The following DYNC1I2 variants were observed in gnomAD, a reference collection of about 807,000 sequenced individuals.
DYNC1I2 encodes the protein cytoplasmic dynein 1 intermediate chain 2.
DYNC1I2 carries 53 observed loss-of-function variants against 88.6 expected under a neutral mutation model. The ratio of observed to expected loss-of-function variants is 0.60; its 90% CI spans 0.48 to 0.75. DYNC1I2 has a LOEUF of 0.75. Ranked by LOEUF, DYNC1I2 falls within the 30% of genes least tolerant of loss-of-function variation. The pLI, the probability that DYNC1I2 is intolerant of heterozygous loss-of-function variation, is 0.00. For missense variants in DYNC1I2, 458 were observed against 766.6 expected, an observed-to-expected ratio of 0.60 and a Z score of 4.75; for synonymous variants, 198 against 254.6, an observed-to-expected ratio of 0.78 and a Z score of 2.12.
At chr2:171,728,034 G>T (rs967591530) in intron 12 of DYNC1I2, 67 bp downstream of exon 12, 3 of 1,506,290 alleles carry the variant, frequency 2.0e-6, no homozygotes, top group Non-Finnish European at 2.7e-6. Flanking sequence ...ATACTTAGTA[G>T]TGGCCATCAG....
chr2:171,707,019 C>G, intron 4 of DYNC1I2: 2 of 543,892 alleles, frequency 3.7e-6, no homozygotes, highest in South Asian at 4.6e-5. Context: ...AAGATGCATC[C>G]TTCCATAATC....
chr2:171,703,222 CTAAATCG>C (rs1471187595), intron 3 of DYNC1I2, among the ~76,000 whole-genome samples: 3 of 152,192 alleles, frequency 2.0e-5, no homozygotes, highest in Non-Finnish European at 2.9e-5. Flanking sequence ...AGGACAACAA[CTAAATCG>C]TATTGTTTAA....
intron 7 of DYNC1I2, among the ~76,000 whole-genome samples, chr2:171,715,744 G>A (rs1687444335): frequency 6.6e-6 from 1 of 152,024 alleles, no homozygotes; most frequent in Admixed American, 6.5e-5. Flanking sequence ...GCTTTTAGAA[G>A]CCAAAAAGCT....
At chr2:171,719,327 A>T (rs10497375) in intron 7 of DYNC1I2, among the ~76,000 whole-genome samples, 1 of 152,158 alleles carries the variant, frequency 6.6e-6, no homozygotes, top group South Asian at 2.1e-4. Flanking sequence ...GAGCTCTTAC[A>T]TTAAGTTTCT....
rs1433008961 is a variant in DYNC1I2, at chr2:171,726,169, T to G, written c.771-25T>G. The G allele has an allele frequency of 6.9e-6, 11 of 1,593,366 alleles. No homozygotes were observed. In the African/African-American group the frequency reaches 1.1e-4, roughly 16 times the overall value. On this transcript the variant is annotated intron_variant, in intron 9 of 17. Coordinates refer to ENST00000397119, the MANE Select transcript of DYNC1I2 (RefSeq NM_001378.3). ...GATAAAAGTTATAACACCATCTTTT[T>G]GGGGGGTTTGGTCTTTTTTTGTAGA...
chr2:171,692,362 T>C (rs1685459012), intron 2 of DYNC1I2, among the ~76,000 whole-genome samples: 1 of 152,196 alleles, frequency 6.6e-6, no homozygotes, highest in Admixed American at 6.5e-5. Flanking sequence ...ACTTAAAATT[T>C]GTTACCTCTT....
chr2:171,724,494 A>C (rs1428701402), intron 7 of DYNC1I2, among the ~76,000 whole-genome samples: 2 of 152,222 alleles, frequency 1.3e-5, no homozygotes, highest in Non-Finnish European at 2.9e-5. Context: ...ACACAATCCC[A>C]GCAGTGCCAT....
chr2:171,741,903 G>T (rs1366519156), intron 15 of DYNC1I2, among the ~76,000 whole-genome samples: 1 of 151,894 alleles, frequency 6.6e-6, no homozygotes, highest in Non-Finnish European at 1.5e-5. Flanking sequence ...CCAACATGGT[G>T]AAACCCCTTC....
At chr2:171,705,458 A>G (rs987082789) in intron 3 of DYNC1I2, among the ~76,000 whole-genome samples, 11 of 152,232 alleles carry the variant, frequency 7.2e-5, no homozygotes, top group African/African-American at 2.6e-4. Context: ...TTTTCTGAGT[A>G]TGAAATTAGG....
At chr2:171,695,475 A>T (rs1431480246) in intron 3 of DYNC1I2, among the ~76,000 whole-genome samples, 2 of 152,088 alleles carry the variant, frequency 1.3e-5, no homozygotes, top group Non-Finnish European at 2.9e-5. Flanking sequence ...GTGTATATAT[A>T]CTTTATATAT....
intron 15 of DYNC1I2, among the ~76,000 whole-genome samples, chr2:171,734,191 TA>T (rs1259382807): frequency 6.6e-6 from 1 of 152,154 alleles, no homozygotes; most frequent in African/African-American, 2.4e-5. Flanking sequence ...GTTTGTTTTT[TA>T]CTCTCTCAGG....
chr2:171,706,585 C>T (rs1267899089), intron 4 of DYNC1I2, 21 bp downstream of exon 4: 2 of 1,609,266 alleles, frequency 1.2e-6, no homozygotes, highest in African/African-American at 1.3e-5. Flanking sequence ...TCCCATAAGT[C>T]TTGCCTTGTT....
chr2:171,708,423 ACAT>A (rs1302409280), intron 5 of DYNC1I2, among the ~76,000 whole-genome samples: 2 of 152,232 alleles, frequency 1.3e-5, no homozygotes, highest in Admixed American at 1.3e-4. Context: ...ATTAAAAGGC[ACAT>A]AAAGCTTGCC....
intron 7 of DYNC1I2, among the ~76,000 whole-genome samples, chr2:171,717,479 G>A (rs961250524): frequency 6.6e-6 from 1 of 151,842 alleles, no homozygotes; most frequent in Non-Finnish European, 1.5e-5. Flanking sequence ...CATTCCTGCT[G>A]TTCCATTGGT....
rs767724300 is a variant in DYNC1I2, at chr2:171,736,915, T to C, written c.1536+7062T>C. On this transcript the variant is annotated intron_variant, in intron 15 of 17. Coordinates refer to ENST00000397119, the MANE Select transcript of DYNC1I2 (RefSeq NM_001378.3). Reference sequence around the variant, plus strand: ...ATGTAGGGACTATCTTTGTTATTAATCTAGAACTCCCCGCTTACCCCAGCT... The same window carrying C: ...ATGTAGGGACTATCTTTGTTATTAACCTAGAACTCCCCGCTTACCCCAGCT... Among the ~76,000 whole-genome samples the C allele has an allele frequency of 5.7e-4, 87 of 152,186 alleles. 1 individual carries two copies. Among genetic ancestry groups the C allele is most frequent in the Non-Finnish European group, 1.3e-4 (9 of 68,034 alleles).
intron 16 of DYNC1I2, among the ~76,000 whole-genome samples, chr2:171,745,578 G>T (rs1279174021): frequency 6.6e-6 from 1 of 152,160 alleles, no homozygotes; most frequent in Non-Finnish European, 1.5e-5. Context: ...AGTCTTCTGA[G>T]AATTTTTTAT....
chr2:171,718,559 G>A (rs374540291), intron 7 of DYNC1I2, among the ~76,000 whole-genome samples: 17 of 151,852 alleles, frequency 1.1e-4, no homozygotes, highest in African/African-American at 2.9e-4. Context: ...TCAGCCTCCC[G>A]AGTAGCTGGG....
At chr2:171,739,914 C>T (rs577598267) in intron 15 of DYNC1I2, among the ~76,000 whole-genome samples, 1 of 152,120 alleles carries the variant, frequency 6.6e-6, no homozygotes, top group South Asian at 2.1e-4. Context: ...CCATGTTGGC[C>T]AGGCTGGTCT....
intron 6 of DYNC1I2, among the ~76,000 whole-genome samples, chr2:171,714,966 A>G (rs1404320899): frequency 6.6e-6 from 1 of 152,176 alleles, no homozygotes; most frequent in Non-Finnish European, 1.5e-5. Flanking sequence ...CTTAAAAAAA[A>G]GTCCAGAAAG....
Sources: gnomAD v4.1 joint callset for allele counts (sites outside exome capture counted in the v4.1 genomes callset) on GRCh38, gnomAD v4.1.1 for gene constraint, MANE v1.5 for transcripts, NCBI Gene and HGNC (gene_info 2026-07-23, HGNC 2026-07-21) for gene names.